CLN3: variants seen among roughly 807,000 people sequenced by gnomAD.
The protein encoded by CLN3 is CLN3 lysosomal/endosomal transmembrane protein, battenin, also known as battenin.
In CLN3, 49 loss-of-function variants were observed where a neutral mutation model predicts 60.7. The ratio of observed to expected loss-of-function variants is 0.81; its 90% confidence interval spans 0.64 to 1.02. The LOEUF (loss-of-function observed/expected upper bound fraction) is 1.02. Ranked by LOEUF, CLN3 falls within the 50% of genes least tolerant of loss-of-function variation. The pLI is 0.00. For missense variants in CLN3, 516 were observed against 557.4 expected (o/e 0.93, Z 0.75); for synonymous variants, 256 against 245.8 (o/e 1.04, Z -0.39).
intron 3 of CLN3, 40 bp from the exon 4 acceptor site, chr16:28,489,426 T>C (rs1596565175): frequency 4.2e-6 from 6 of 1,424,994 alleles, no homozygotes; most frequent in Non-Finnish European, 5.9e-6. Context: ...CTCCTCATCC[T>C]GCAGCCATCT....
At chr16:28,482,701 A>G in intron 10 of CLN3, 29 bp from the exon 11 acceptor site, 2 of 1,613,936 alleles carry the variant, frequency 1.2e-6, no homozygotes, top group Admixed American at 1.7e-5. Flanking sequence ...AGAAGGGCAG[A>G]TGAAGTTTTC....
chr16:28,488,036 G>A, intron 5 of CLN3: 1 of 373,874 alleles, frequency 2.7e-6, no homozygotes, highest in Non-Finnish European at 5.1e-6. Flanking sequence ...AAAGGACTCA[G>A]AAACTATATA....
chr16:28,482,615 A>T lies in CLN3; in HGVS notation c.837+11T>A, dbSNP rs753429449. Reference sequence around the variant, plus strand: ...AGCCCCACAGGGACATACCCCAGCCATCATCCGAACCTTGAACACTGTCCA... The same window carrying T: ...AGCCCCACAGGGACATACCCCAGCCTTCATCCGAACCTTGAACACTGTCCA... On this transcript the variant is annotated intron_variant, in intron 11 of 15. Coordinates refer to ENST00000636147, the MANE Select transcript of CLN3 (RefSeq NM_001042432.2). 6.2e-7 allele frequency: 1 copy of T among 1,614,190 alleles called. No homozygotes were observed. The highest frequency in any genetic ancestry group is 8.5e-7 in the Non-Finnish European group (1 of 1,180,034).
In CLN3 at chr16:28,486,773, T is replaced by C. The variant is rs1248284308; in HGVS notation, c.461-123A>G. The C allele has an allele frequency of 4.3e-6, 4 of 932,728 alleles. No individual in the cohort carries two copies. In the African/African-American group the frequency reaches 6.5e-5, roughly 15 times the overall value. The allele number at this position is 932,728 out of a possible 1,614,324, so 57.8% of individuals were successfully genotyped here. A position where few individuals can be genotyped will look rare whatever the true frequency, so the allele number is the denominator to read the frequency against. ...TAGAGGCTCCAATAGATCCCATGCA[T>C]AGGCCAGGTTCCAGGTCTGAAGCAG... On this transcript the variant is annotated intron_variant, in intron 7 of 15. Transcript: ENST00000636147.
intron 9 of CLN3, 188 bp from the exon 10 acceptor site, chr16:28,484,306 G>C (rs2046166739): frequency 1.6e-6 from 1 of 620,418 alleles, no homozygotes; most frequent in Non-Finnish European, 2.9e-6. Flanking sequence ...TTCTTTCTTT[G>C]GACCTGAATT....
chr16:28,491,687 T>A (rs1169610950), intron 2 of CLN3, 27 bp downstream of exon 2: 1 of 1,613,994 alleles, frequency 6.2e-7, no homozygotes, highest in Admixed American at 1.7e-5. Context: ...AGGTGGTCGT[T>A]CCATGAGGGT....
At chr16:28,489,987 GC>G (rs1338297258) in intron 3 of CLN3, among the ~76,000 whole-genome samples, 1 of 151,826 alleles carries the variant, frequency 6.6e-6, no homozygotes, top group Non-Finnish European at 1.5e-5. Context: ...AACCCGAAAG[GC>G]GGAGGTTGCA....
At chr16:28,480,935 A>G (rs909622403) in intron 14 of CLN3, among the ~76,000 whole-genome samples, 9 of 152,220 alleles carry the variant, frequency 5.9e-5, no homozygotes, top group African/African-American at 1.9e-4. Flanking sequence ...TAAATAACCC[A>G]CTGACTTCAA....
In CLN3 at chr16:28,487,895, C is replaced by G. The variant is rs1429658228; in HGVS notation, c.295-154G>C. 8.8e-6 allele frequency: 6 copies of G among 681,494 alleles called. No homozygotes were observed. In the Admixed American group the frequency reaches 1.0e-4, roughly 12 times the overall value. 42.2% of individuals were successfully genotyped at this position (681,494 alleles called of 1,614,324 possible). A position where few individuals can be genotyped will look rare whatever the true frequency, so the allele number is the denominator to read the frequency against. ...CTGGGTTCAAGTCTCAGCTCTCCCA[C>G]TCCTTAGTTGTGTGTCAAGAGTTTA... On this transcript the variant is annotated intron_variant, in intron 5 of 15. Coordinates refer to ENST00000636147, the MANE Select transcript of CLN3 (RefSeq NM_001042432.2).
Position 28,477,838 on chromosome 16 carries a change from C to G in CLN3, c.1096G>C (p.Gly366Arg), listed in dbSNP as rs772209464. The change falls in exon 15 of 16, where the codon GGC becomes CGC. Residue 366 changes from glycine to arginine, a missense_variant. Physicochemically the swap from Gly to Arg is moderately radical, Grantham distance 125. Coordinates refer to ENST00000636147, the MANE Select transcript of CLN3 (RefSeq NM_001042432.2). The stretch of plus-strand genomic sequence containing the variant: ...ACGAGGTAGATGCTTGGCAGAAAGC[C>G]GAACCACACGTCTGCCAGCAGGAAC... ...LVFLLADVWF[G>R]FLPSIYLVFL... 1 of 1,614,104 alleles carries G rather than the reference C, an allele frequency of 6.2e-7. No individual in the cohort carries two copies. Among genetic ancestry groups the G allele is most frequent in the South Asian group, 1.1e-5 (1 of 91,090 alleles).
At chr16:28,470,771 G>T (rs973008235), downstream of CLN3, among the ~76,000 whole-genome samples, 7 of 149,902 alleles carry the variant, frequency 4.7e-5, no homozygotes, top group African/African-American at 1.7e-4. Flanking sequence ...AAGTTCTCAA[G>T]CGCTGGTGGA....
At chr16:28,490,723 G>A (rs947398799) in intron 3 of CLN3, among the ~76,000 whole-genome samples, 21 of 140,608 alleles carry the variant, frequency 1.5e-4, no homozygotes, top group African/African-American at 5.4e-4. Context: ...TTGCGCCACT[G>A]CACTCCAGCC....
chr16:28,473,719 C>T (rs1018209829), downstream of CLN3, among the ~76,000 whole-genome samples: 1 of 152,128 alleles, frequency 6.6e-6, no homozygotes, highest in Non-Finnish European at 1.5e-5. Context: ...ATGAAGAAAT[C>T]TTACAACTCA....
rs1364896586 is a variant in CLN3, at chr16:28,482,618, A to T, written c.837+8T>A. 7 of 1,614,076 alleles carry T rather than the reference A, an allele frequency of 4.3e-6. No homozygotes were observed. The highest frequency in any genetic ancestry group is 1.3e-5 in the African/African-American group (1 of 74,940). On this transcript the variant is annotated splice_region_variant and intron_variant, in intron 11 of 15. Transcript: ENST00000636147. Reference sequence around the variant, plus strand: ...CCCACAGGGACATACCCCAGCCATCATCCGAACCTTGAACACTGTCCACCT... The same window carrying T: ...CCCACAGGGACATACCCCAGCCATCTTCCGAACCTTGAACACTGTCCACCT...
chr16:28,485,282 T>C (rs2046187680), intron 9 of CLN3, among the ~76,000 whole-genome samples: 1 of 138,462 alleles, frequency 7.2e-6, no homozygotes. Context: ...ACAGAACTAA[T>C]CAGGCCGGGC....
downstream of CLN3, chr16:28,476,561 A>G (rs1567252855): frequency 6.6e-6 from 1 of 152,010 alleles, no homozygotes; most frequent in Non-Finnish European, 1.5e-5. Flanking sequence ...ATAAAAAAAA[A>G]TAATAAAATA....
At position 28,482,689 on chromosome 16, in the gene CLN3, A is replaced by G; in HGVS notation, c.791-17T>C. On this transcript the variant is annotated splice_polypyrimidine_tract_variant and intron_variant, in intron 10 of 15. Transcript: ENST00000636147. The stretch of plus-strand genomic sequence containing the variant: ...AGCTGGAGCCTGCAGGGGAACAGAG[A>G]GAGAAGGGCAGATGAAGTTTTCACA... 6.2e-7 allele frequency: 1 copy of G among 1,614,108 alleles called. No individual in the cohort carries two copies.
chr16:28,478,888 A>G (rs1005127803), intron 14 of CLN3, among the ~76,000 whole-genome samples: 1 of 152,056 alleles, frequency 6.6e-6, no homozygotes, highest in Admixed American at 6.6e-5. Flanking sequence ...TATTGGAAAA[A>G]CCGTTGGTTC....
chr16:28,484,950 GTT>G (rs777076484), intron 9 of CLN3: 10 of 139,592 alleles, frequency 7.2e-5, no homozygotes, highest in Admixed American at 7.2e-5. Context: ...CAAAGTGTGT[GTT>G]TTTTTTTTTT....
Sources: allele counts gnomAD v4.1 joint callset (sites outside exome capture counted in the v4.1 genomes callset), GRCh38; gene constraint gnomAD v4.1.1; transcripts MANE v1.5; gene names NCBI Gene and HGNC (gene_info 2026-07-23, HGNC 2026-07-21).